CTNND2: variants seen among roughly 807,000 people sequenced by gnomAD.
The protein encoded by CTNND2 is catenin delta-2.
CTNND2 carries 22 observed loss-of-function variants against 144.4 expected under a neutral mutation model. The observed-to-expected ratio is 0.15, with a 90% CI of 0.11 to 0.22. The LOEUF (loss-of-function observed/expected upper bound fraction) is 0.22. CTNND2 is among the 10% of genes least tolerant of loss of function. The pLI, the probability that CTNND2 is intolerant of heterozygous loss-of-function variation, is 1.00. For synonymous variants in CTNND2, 751 were observed against 695.6 expected (o/e 1.08, Z -1.25); for missense variants, 1,353 against 1,618.8 (o/e 0.84, Z 2.82).
At chr5:11,698,998 TTATG>T (rs1785273365) in intron 2 of CTNND2, among the ~76,000 whole-genome samples, 1 of 149,620 alleles carries the variant, frequency 6.7e-6, no homozygotes, top group South Asian at 2.1e-4. Context: ...ATATTACAAT[TTATG>T]TATTAACTAT....
chr5:11,191,181 C>T (rs1289916792), intron 11 of CTNND2, among the ~76,000 whole-genome samples: 1 of 152,180 alleles, frequency 6.6e-6, no homozygotes, highest in Non-Finnish European at 1.5e-5. Flanking sequence ...GCAGGTTCCC[C>T]CAATGGCAAG....
chr5:11,181,709 G>A (rs968720245), intron 11 of CTNND2, among the ~76,000 whole-genome samples: 42 of 150,784 alleles, frequency 2.8e-4, no homozygotes, highest in African/African-American at 9.5e-4. Flanking sequence ...TGGTGTATGC[G>A]TGTGGTGTGT....
intron 9 of CTNND2, among the ~76,000 whole-genome samples, 199 bp from the exon 10 acceptor site, chr5:11,237,022 C>CTTT (rs368680555): frequency 1.4e-5 from 2 of 138,494 alleles, no homozygotes; most frequent in African/African-American, 2.6e-5. Flanking sequence ...TCTTTCTTTT[C>CTTT]TTTTTTTTTT....
chr5:11,802,679 T>C (rs1791762122), intron 1 of CTNND2, among the ~76,000 whole-genome samples: 1 of 152,222 alleles, frequency 6.6e-6, no homozygotes, highest in Non-Finnish European at 1.5e-5. Context: ...AATAAAACCA[T>C]GAAATTAATT....
intron 18 of CTNND2, among the ~76,000 whole-genome samples, chr5:11,007,828 C>G (rs852616): frequency 0.71 from 108,802 of 152,226 alleles, 39,414 homozygotes; most frequent in African/African-American, 0.82. Context: ...TGGATGTCCA[C>G]GGAATGAACA....
intron 9 of CTNND2, among the ~76,000 whole-genome samples, chr5:11,339,791 A>C (rs1410318324): frequency 1.3e-5 from 2 of 152,192 alleles, no homozygotes; most frequent in African/African-American, 4.8e-5. Flanking sequence ...CACTAGACAC[A>C]CAGTCTGTTG....
At chr5:10,977,043 GC>G (rs1351577968) in intron 21 of CTNND2, among the ~76,000 whole-genome samples, 1 of 152,214 alleles carries the variant, frequency 6.6e-6, no homozygotes, top group Non-Finnish European at 1.5e-5. Flanking sequence ...TGCTTTAACA[GC>G]CCTTTGGGGA....
chr5:11,037,476 C>A (rs1019946749), intron 16 of CTNND2, among the ~76,000 whole-genome samples: 1 of 152,164 alleles, frequency 6.6e-6, no homozygotes, highest in Non-Finnish European at 1.5e-5. Context: ...CTGATATCAC[C>A]ACCACATATG....
chr5:11,093,167 G>A (rs1265471986), intron 15 of CTNND2, among the ~76,000 whole-genome samples: 1 of 152,122 alleles, frequency 6.6e-6, no homozygotes, highest in African/African-American at 2.4e-5. Context: ...CACACTTTAG[G>A]AGGAAAACTG....
chr5:11,490,884 A>G (rs1769322829), intron 3 of CTNND2, among the ~76,000 whole-genome samples: 1 of 152,192 alleles, frequency 6.6e-6, no homozygotes, highest in South Asian at 2.1e-4. Flanking sequence ...ACACTTTGGG[A>G]GGCTGAGGTG....
intron 3 of CTNND2, among the ~76,000 whole-genome samples, chr5:11,416,201 A>C (rs1224935195): frequency 6.6e-6 from 1 of 152,184 alleles, no homozygotes; most frequent in African/African-American, 2.4e-5. Context: ...TATGTTTAGG[A>C]CTACACGTCA....
intron 3 of CTNND2, among the ~76,000 whole-genome samples, chr5:11,478,790 T>C (rs1405326095): frequency 4.6e-5 from 7 of 152,052 alleles, no homozygotes; most frequent in Non-Finnish European, 8.8e-5. Flanking sequence ...TGGAAAGGCT[T>C]CACCCAATCT....
intron 3 of CTNND2, among the ~76,000 whole-genome samples, chr5:11,553,350 T>C (rs1027072657): frequency 7.2e-5 from 11 of 152,204 alleles, no homozygotes; most frequent in Non-Finnish European, 1.6e-4. Context: ...CTCTGATACA[T>C]CTTTTTAGCC....
At chr5:11,189,769 T>C (rs1029020816) in intron 11 of CTNND2, among the ~76,000 whole-genome samples, 3 of 152,154 alleles carry the variant, frequency 2.0e-5, no homozygotes, top group Non-Finnish European at 2.9e-5. Context: ...GGGTTAACTA[T>C]AGTAGGCACT....
At chr5:11,380,081 G>A (rs566461284) in intron 7 of CTNND2, among the ~76,000 whole-genome samples, 91 of 152,300 alleles carry the variant, frequency 6.0e-4, no homozygotes, top group African/African-American at 2.1e-3. Context: ...AAGCATGCCA[G>A]GTGCACACTG....
chr5:11,399,139 C>T (rs901114464), intron 5 of CTNND2, among the ~76,000 whole-genome samples: 1 of 152,188 alleles, frequency 6.6e-6, no homozygotes, highest in African/African-American at 2.4e-5. Context: ...GGTCACCATT[C>T]TACCTGACAA....
At chr5:11,435,715 T>C (rs975367386) in intron 3 of CTNND2, among the ~76,000 whole-genome samples, 2 of 152,226 alleles carry the variant, frequency 1.3e-5, no homozygotes, top group Non-Finnish European at 2.9e-5. Context: ...TTATAGTATT[T>C]ATAATGCAAA....
chr5:10,997,471 A>C (rs531824281), intron 18 of CTNND2, among the ~76,000 whole-genome samples: 3 of 152,180 alleles, frequency 2.0e-5, no homozygotes, highest in African/African-American at 7.2e-5. Flanking sequence ...GCGTGCCTGT[A>C]ATCCTAGCTA....
intron 9 of CTNND2, among the ~76,000 whole-genome samples, chr5:11,330,760 G>C (rs1019281636): frequency 2.1e-5 from 3 of 144,226 alleles, no homozygotes; most frequent in African/African-American, 7.8e-5. Flanking sequence ...TCCCACCTGG[G>C]CAACAGAGCA....
Sources: gnomAD v4.1 joint callset for allele counts (sites outside exome capture counted in the v4.1 genomes callset) on GRCh38, gnomAD v4.1.1 for gene constraint, MANE v1.5 for transcripts, NCBI Gene and HGNC (gene_info 2026-07-23, HGNC 2026-07-21) for gene names.